Variants in NYAP1 observed in about 807,000 individuals in gnomAD.
The protein encoded by NYAP1 is neuronal tyrosine-phosphorylated phosphoinositide-3-kinase adapter 1.
Under a neutral mutation model 58.6 loss-of-function variants are expected in NYAP1, and 20 were observed. The ratio of observed to expected loss-of-function variants is 0.34; its 90% confidence interval spans 0.24 to 0.50. The LOEUF (loss-of-function observed/expected upper bound fraction) is 0.50. Ranked by LOEUF, NYAP1 falls within the 20% of genes least tolerant of loss-of-function variation. The probability of loss-of-function intolerance (pLI) is 0.98; values close to 1 mark genes in which losing one functional copy is unlikely to be tolerated. For missense variants in NYAP1, 1,150 were observed against 1,194.5 expected, an observed-to-expected ratio of 0.96 and a Z score of 0.55; for synonymous variants, 572 against 523.1, an observed-to-expected ratio of 1.09 and a Z score of -1.27.
chr7:100,486,189 C>T lies in NYAP1; in HGVS notation c.69-632C>T, dbSNP rs909676155. On this transcript the variant is annotated intron_variant, in intron 2 of 6. Transcript: ENST00000300179. The surrounding 1 kb of genome is among the most constrained non-coding windows in gnomAD (Gnocchi z 6.2). ...CAGCTCTCCTCTCTTCCCTGCCAGCCGCCCCCCCAACCCTCTGCCACCCTC... is the reference window on the plus strand; with the variant it reads ...CAGCTCTCCTCTCTTCCCTGCCAGCTGCCCCCCCAACCCTCTGCCACCCTC... 1.3e-5 allele frequency among the ~76,000 whole-genome samples: 2 copies of T among 152,110 alleles called. No homozygotes were observed. The highest frequency in any genetic ancestry group is 2.1e-4 in the South Asian group (1 of 4,822).
rs568236543 is a variant in NYAP1, at chr7:100,489,038, G to A, written c.1317G>A (p.Pro439=). 163 of 1,545,322 alleles carry A rather than the reference G, an allele frequency of 1.1e-4. 2 individuals are homozygous for A. Among genetic ancestry groups the A allele is most frequent in the African/African-American group, 7.9e-4 (58 of 73,286 alleles). Residue 439 remains proline (P), a synonymous_variant, in exon 4 of 7, where the codon CCG becomes CCA. Transcript: ENST00000300179. ...TCTGCCCTAAGGCGGCGGGGGCGCC[G>A]GCAGCCCCCCCTGCCCCGGCCGCCT... ...SMICPKAAGA[P]AAPPAPAALL... is the part of the protein sequence containing the mutation.
chr7:100,494,139 G>C lies in NYAP1; in HGVS notation c.*236G>C, dbSNP rs1172700065. The C allele has an allele frequency of 2.1e-6, 1 of 475,422 alleles. No individual in the cohort carries two copies. Among genetic ancestry groups the C allele is most frequent in the East Asian group, 3.6e-5 (1 of 27,636 alleles). The allele number at this position is 475,422 out of a possible 1,614,324, so 29.5% of individuals were successfully genotyped here. On this transcript the variant is annotated 3_prime_UTR_variant, in exon 7 of 7. Coordinates refer to ENST00000300179, the MANE Select transcript of NYAP1 (RefSeq NM_173564.4). ...AGGAGGGTTTGCTTGAGGTTGGGGC[G>C]AGAGTCGCTCTGGCTGTTCTTCCCG...
intron 1 of NYAP1, 54 bp downstream of exon 1, chr7:100,484,055 G>T (rs995062701): frequency 6.5e-6 from 1 of 152,888 alleles, no homozygotes; most frequent in African/African-American, 2.4e-5. Flanking sequence ...GGGGTGGGGG[G>T]ACAAGGGACA....
chr7:100,490,510 C>T lies in NYAP1; in HGVS notation c.1946-7C>T, dbSNP rs762613361. On this transcript the variant is annotated splice_region_variant and splice_polypyrimidine_tract_variant and intron_variant, in intron 4 of 6. Transcript: ENST00000300179. This position sits in a 1 kb window ranked among gnomAD's most constrained non-coding sequence, Gnocchi z 4.6. ...CAGGCACACAGCTCTCCTTGTCATC[C>T]CAGCAGAGGTCGAGGACGGTGCCCG... 3.8e-6 allele frequency: 6 copies of T among 1,574,874 alleles called. No homozygotes were observed. The Admixed American group carries it at 1.1e-4, about 29-fold the overall frequency.
Position 100,488,218 on chromosome 7 carries a change from G to A in NYAP1, c.497G>A (p.Arg166Gln), listed in dbSNP as rs745610540. Residue 166 changes from arginine to glutamine, a missense_variant, in exon 4 of 7, where the codon CGA becomes CAA. Coordinates refer to ENST00000300179, the MANE Select transcript of NYAP1 (RefSeq NM_173564.4). The surrounding 1 kb of genome is among the most constrained non-coding windows in gnomAD (Gnocchi z 5.9). ...SRKVPPQKPRRSPNTQLSVSF... is the reference protein window; with the variant it reads ...SRKVPPQKPRQSPNTQLSVSF... ...AAGGTTCCTCCGCAGAAGCCCAGGC[G>A]AAGCCCTAACACCCAGCTCTCTGTC... 3.7e-6 allele frequency: 6 copies of A among 1,613,296 alleles called. No homozygotes were observed. The highest frequency in any genetic ancestry group is 1.7e-5 in the Admixed American group (1 of 59,766).
chr7:100,485,128 C>T lies in NYAP1; in HGVS notation c.-84-100C>T, dbSNP rs994093115. The T allele has an allele frequency of 1.0e-5, 6 of 592,604 alleles. No homozygotes were observed. The highest frequency in any genetic ancestry group is 5.6e-5 in the African/African-American group (3 of 53,446). 36.7% of individuals were successfully genotyped at this position (592,604 alleles called of 1,614,324 possible). On this transcript the variant is annotated intron_variant, in intron 1 of 6. Coordinates refer to ENST00000300179, the MANE Select transcript of NYAP1 (RefSeq NM_173564.4). The surrounding 1 kb of genome is among the most constrained non-coding windows in gnomAD (Gnocchi z 5.7). ...GTCTGTGTTTTCCTCTCTGAGGACC[C>T]GAGTCATGTCTCTTCTCCGTTTTCT...
rs779639136 is a variant in NYAP1, at chr7:100,487,201, C to G, written c.430+19C>G. The stretch of plus-strand genomic sequence containing the variant: ...AAAGCAGGTGAGATACCCCCTATCT[C>G]TCCCTGGGGTGGAGCTGGGAGCTGG... On this transcript the variant is annotated intron_variant, in intron 3 of 6. Transcript: ENST00000300179. The surrounding 1 kb of genome is among the most constrained non-coding windows in gnomAD (Gnocchi z 4.1). 2 of 1,477,572 alleles carry G rather than the reference C, an allele frequency of 1.4e-6. No homozygotes were observed. The highest frequency in any genetic ancestry group is 1.8e-6 in the Non-Finnish European group (2 of 1,114,928). The allele number at this position is 1,477,572 out of a possible 1,614,324, so 91.5% of individuals were successfully genotyped here. A position where few individuals can be genotyped will look rare whatever the true frequency, so the allele number is the denominator to read the frequency against.
rs1210204168 is a variant in NYAP1 at position 100,490,967 on chromosome 7, C to T, written c.2159-19C>T. On this transcript the variant is annotated intron_variant, in intron 5 of 6. Transcript: ENST00000300179. The surrounding 1 kb of genome is among the most constrained non-coding windows in gnomAD (Gnocchi z 4.6). ...ACCTGAGGCCCCTGCACTCCTCACT[C>T]CTCCTTCTTCCACCTCAGACTTCAC... 2 of 1,501,098 alleles carry T rather than the reference C, an allele frequency of 1.3e-6. No homozygotes were observed. The highest frequency in any genetic ancestry group is 4.0e-5 in the Admixed American group (2 of 50,434). The allele number at this position is 1,501,098 out of a possible 1,614,324, so 93.0% of individuals were successfully genotyped here. A position where few individuals can be genotyped will look rare whatever the true frequency, so the allele number is the denominator to read the frequency against.
chr7:100,487,127 G>C lies in NYAP1; in HGVS notation c.375G>C (p.Lys125Asn). The change falls in exon 3 of 7, where the codon AAG (lysine) becomes AAC (asparagine). Residue 125 changes from lysine (K) to asparagine (N), a missense_variant. Lys to Asn is a moderately conservative substitution (Grantham distance 94). Transcript: ENST00000300179. The surrounding 1 kb of genome is among the most constrained non-coding windows in gnomAD (Gnocchi z 4.1). The part of the protein sequence containing the change: ...PAKPRRHPST[K>N]LSMVGPGSGA... ...AGCCCCGGAGACACCCCAGCACCAA[G>C]CTCAGCATGGTGGGGCCTGGGTCTG... The C allele has an allele frequency of 6.4e-7, 1 of 1,563,070 alleles. No individual in the cohort carries two copies. Among genetic ancestry groups the C allele is most frequent in the Non-Finnish European group, 8.7e-7 (1 of 1,155,020 alleles).
intron 6 of NYAP1, among the ~76,000 whole-genome samples, chr7:100,493,092 G>A (rs1486488264): frequency 1.3e-5 from 2 of 152,238 alleles, no homozygotes; most frequent in African/African-American, 4.8e-5. Flanking sequence ...TGTGATCCCA[G>A]TGCTTTGGGA....
At chr7:100,484,214 G>T (rs1799675212) in intron 1 of NYAP1, among the ~76,000 whole-genome samples, 1 of 152,142 alleles carries the variant, frequency 6.6e-6, no homozygotes, top group Admixed American at 6.5e-5. Flanking sequence ...ACGGCTGTAA[G>T]GAGGGGCGCC....
Position 100,488,672 on chromosome 7 carries a change from G to A in NYAP1, c.951G>A (p.Lys317=), listed in dbSNP as rs1197105711. The change falls in exon 4 of 7, where the codon AAG becomes AAA. Residue 317 remains lysine, a synonymous_variant. Coordinates refer to ENST00000300179, the MANE Select transcript of NYAP1 (RefSeq NM_173564.4). The surrounding 1 kb of genome is among the most constrained non-coding windows in gnomAD (Gnocchi z 5.9). ...LPSRRDGTPT[K]TTPCEIPPPF... ...GCCGGAGGGACGGGACGCCCACCAA[G>A]ACCACTCCTTGTGAAATCCCCCCGC... 1 of 1,611,352 alleles carries A rather than the reference G, an allele frequency of 6.2e-7. No homozygotes were observed. Among genetic ancestry groups the A allele is most frequent in the Non-Finnish European group, 8.5e-7 (1 of 1,179,508 alleles).
At chr7:100,492,853 C>G (rs543595335) in intron 6 of NYAP1, among the ~76,000 whole-genome samples, 1 of 151,816 alleles carries the variant, frequency 6.6e-6, no homozygotes, top group East Asian at 1.9e-4. Flanking sequence ...GAGCCATGGT[C>G]GTTCCACTGC....
rs1261776328 is a variant in NYAP1 at position 100,486,658 on chromosome 7, C to A, written c.69-163C>A. Among the ~76,000 whole-genome samples, 1 of 152,152 alleles carries A rather than the reference C, an allele frequency of 6.6e-6. No individual in the cohort carries two copies. The highest frequency in any genetic ancestry group is 1.5e-5 in the Non-Finnish European group (1 of 67,996). On this transcript the variant is annotated intron_variant, in intron 2 of 6. Coordinates refer to ENST00000300179, the MANE Select transcript of NYAP1 (RefSeq NM_173564.4). This position sits in a 1 kb window ranked among gnomAD's most constrained non-coding sequence, Gnocchi z 6.2. Reference sequence around the variant, plus strand: ...TTAAAGCCCAAGATTCTGCCTGAAGCCCCTTCATTGGTGCCCTGGACCTTC... The same window carrying A: ...TTAAAGCCCAAGATTCTGCCTGAAGACCCTTCATTGGTGCCCTGGACCTTC...
Position 100,489,549 on chromosome 7 carries a change from G to C in NYAP1, c.1828G>C (p.Ala610Pro). Residue 610 changes from alanine (A) to proline (P), a missense_variant, in exon 4 of 7, where the codon GCC (alanine) becomes CCC (proline). By Grantham distance (27) the Ala-to-Pro change is conservative. Transcript: ENST00000300179. The part of the protein sequence containing the change: ...FASISCAHVI[A>P]SAGTPEEEEE... ...CAGCATCTCCTGTGCCCACGTCATC[G>C]CCAGCGCAGGGACACCAGAGGAGGA... The C allele has an allele frequency of 6.2e-7, 1 of 1,613,424 alleles. No homozygotes were observed. The highest frequency in any genetic ancestry group is 8.5e-7 in the Non-Finnish European group (1 of 1,179,980).
Position 100,494,153 on chromosome 7 carries a change from C to T in NYAP1, c.*250C>T. 4.4e-6 allele frequency: 2 copies of T among 455,992 alleles called. No individual in the cohort carries two copies. The highest frequency in any genetic ancestry group is 7.7e-6 in the Non-Finnish European group (2 of 260,356). 28.2% of individuals were successfully genotyped at this position (455,992 alleles called of 1,614,324 possible). On this transcript the variant is annotated 3_prime_UTR_variant, in exon 7 of 7. Coordinates refer to ENST00000300179, the MANE Select transcript of NYAP1 (RefSeq NM_173564.4). ...GAGGTTGGGGCGAGAGTCGCTCTGG[C>T]TGTTCTTCCCGCTGGGCGTTGTACA...
chr7:100,492,400 C>T (rs1274926585), intron 6 of NYAP1, among the ~76,000 whole-genome samples: 1 of 152,122 alleles, frequency 6.6e-6, no homozygotes, highest in Non-Finnish European at 1.5e-5. Flanking sequence ...CAGTCAGGGC[C>T]ACCACTAGCC....
At position 100,488,733 on chromosome 7, in the gene NYAP1, C is replaced by T. The variant is rs1799742575; in HGVS notation, c.1012C>T (p.Leu338=). 6 of 1,609,138 alleles carry T rather than the reference C, an allele frequency of 3.7e-6. No homozygotes were observed. The highest frequency in any genetic ancestry group is 5.1e-6 in the Non-Finnish European group (6 of 1,177,966). Reference sequence around the variant, plus strand: ...CCTCCTTCAGCACCGGCCTCCACTCCTGGCCTTCCCCCAAGCCAAGTCTGC... The same window carrying T: ...CCTCCTTCAGCACCGGCCTCCACTCTTGGCCTTCCCCCAAGCCAAGTCTGC... ...PNLLQHRPPL[L]AFPQAKSASR... Residue 338 remains leucine, a synonymous_variant, in exon 4 of 7, where the codon CTG becomes TTG. Coordinates refer to ENST00000300179, the MANE Select transcript of NYAP1 (RefSeq NM_173564.4). The surrounding 1 kb of genome is among the most constrained non-coding windows in gnomAD (Gnocchi z 5.9).
Position 100,494,017 on chromosome 7 carries a change from A to G in NYAP1, c.*114A>G, listed in dbSNP as rs1476651369. ...AAGACTACGTGGGAGAGTGCCAGGG[A>G]GAACCCCTGCCCTCCAACCTACCCC... On this transcript the variant is annotated 3_prime_UTR_variant, in exon 7 of 7. Coordinates refer to ENST00000300179, the MANE Select transcript of NYAP1 (RefSeq NM_173564.4). The G allele has an allele frequency of 4.1e-6, 4 of 973,360 alleles. No homozygotes were observed. Among genetic ancestry groups the G allele is most frequent in the African/African-American group, 3.5e-5 (2 of 57,472 alleles). The allele number at this position is 973,360 out of a possible 1,614,324, so 60.3% of individuals were successfully genotyped here.
Sources: allele counts gnomAD v4.1 joint callset (sites outside exome capture counted in the v4.1 genomes callset), GRCh38; gene constraint gnomAD v4.1.1; non-coding constraint Gnocchi (gnomAD v3.1); transcripts MANE v1.5; gene names NCBI Gene and HGNC (gene_info 2026-07-23, HGNC 2026-07-21).